LRP1B: variants seen among roughly 807,000 people sequenced by gnomAD.
LRP1B encodes LDL receptor related protein 1B, also known as low-density lipoprotein receptor-related protein 1B.
LRP1B carries 217 observed loss-of-function variants against 556.6 expected under a neutral mutation model. That is an observed-to-expected ratio of 0.39 (90% CI 0.35 to 0.44). LRP1B has a LOEUF of 0.44. Ranked by LOEUF, LRP1B falls within the 20% of genes least tolerant of loss-of-function variation. The probability of loss-of-function intolerance (pLI) is 1.00; values close to 1 mark genes in which losing one functional copy is unlikely to be tolerated. For missense variants in LRP1B, 5,053 were observed against 5,620.8 expected (o/e 0.90, Z 3.23); for synonymous variants, 2,047 against 1,865.8 (o/e 1.10, Z -2.50).
intron 18 of LRP1B, among the ~76,000 whole-genome samples, chr2:140,962,915 A>G (rs1369307004): frequency 6.6e-6 from 1 of 152,116 alleles, no homozygotes; most frequent in East Asian, 1.9e-4. Flanking sequence ...CATGTCTGAG[A>G]CTCTGCATCC....
rs1327305721 is a variant in LRP1B at position 140,603,967 on chromosome 2, T to A, written c.6800-2328A>T. 3.3e-5 allele frequency among the ~76,000 whole-genome samples: 5 copies of A among 152,212 alleles called. No individual in the cohort carries two copies. In the East Asian group the frequency reaches 9.7e-4, roughly 29 times the overall value. On this transcript the variant is annotated intron_variant, in intron 41 of 90. Coordinates refer to ENST00000389484, the MANE Select transcript of LRP1B (RefSeq NM_018557.3). ...CATGTGGCATGTATATGTGTGTGTG[T>A]GCACACACATCTGTGTTTGAACATT... is the stretch of plus-strand genomic sequence containing the variant.
intron 2 of LRP1B, among the ~76,000 whole-genome samples, chr2:141,585,421 TCG>T (rs1687102198): frequency 9.5e-6 from 1 of 105,030 alleles, no homozygotes; most frequent in African/African-American, 3.9e-5. Context: ...CCTGAAATAA[TCG>T]TGTGTGTGTG....
chr2:140,509,972 C>T lies in LRP1B; in HGVS notation c.8354G>A (p.Arg2785Lys), dbSNP rs1689583725. The T allele has an allele frequency of 6.2e-7, 1 of 1,614,022 alleles. No homozygotes were observed. The highest frequency in any genetic ancestry group is 8.5e-7 in the Non-Finnish European group (1 of 1,180,026). Residue 2785 changes from arginine (R) to lysine (K), a missense_variant, in exon 52 of 91, where the codon AGG becomes AAG. Physicochemically the swap from Arg to Lys is conservative, Grantham distance 26. Transcript: ENST00000389484. ...CTCATCGCTTCCATCTGGACAGTCC[C>T]TTTCACCATCACAAAGCCAATGTCG... ...VPRHWLCDGE[R>K]DCPDGSDELS...
At chr2:141,094,102 T>C (rs1453601252) in intron 7 of LRP1B, among the ~76,000 whole-genome samples, 1 of 152,080 alleles carries the variant, frequency 6.6e-6, no homozygotes, top group Non-Finnish European at 1.5e-5. Flanking sequence ...CTTAACAAGA[T>C]CCTCAAAGGA....
intron 2 of LRP1B, among the ~76,000 whole-genome samples, chr2:141,773,785 C>A (rs774715038): frequency 6.6e-6 from 1 of 152,166 alleles, no homozygotes; most frequent in South Asian, 2.1e-4. Flanking sequence ...AAGGTTTTTG[C>A]CAAGTACTTG....
chr2:141,341,284 T>A (rs895419926), intron 3 of LRP1B, among the ~76,000 whole-genome samples: 1 of 152,210 alleles, frequency 6.6e-6, no homozygotes, highest in Non-Finnish European at 1.5e-5. Context: ...CATACCCATG[T>A]ATGGAATTCT....
chr2:142,069,306 G>T (rs1466761616), intron 1 of LRP1B, among the ~76,000 whole-genome samples: 1 of 151,532 alleles, frequency 6.6e-6, no homozygotes, highest in Non-Finnish European at 1.5e-5. Context: ...AAGTCATAGG[G>T]TAGCTCTCCT....
chr2:140,879,455 G>A (rs560150042), intron 25 of LRP1B, among the ~76,000 whole-genome samples: 3 of 152,076 alleles, frequency 2.0e-5, no homozygotes, highest in East Asian at 3.9e-4. Flanking sequence ...AAATTTTGTC[G>A]ATTTAAGTGA....
chr2:141,956,097 G>C (rs1398087356), intron 1 of LRP1B, among the ~76,000 whole-genome samples: 1 of 151,898 alleles, frequency 6.6e-6, no homozygotes, highest in African/African-American at 2.4e-5. Flanking sequence ...TCTGTTTCTA[G>C]CTGGGATACT....
At chr2:140,996,988 G>C (rs1697266778) in intron 15 of LRP1B, among the ~76,000 whole-genome samples, 1 of 151,884 alleles carries the variant, frequency 6.6e-6, no homozygotes, top group Non-Finnish European at 1.5e-5. Flanking sequence ...GATGGAATTG[G>C]ACACTTTACT....
chr2:141,989,175 T>G (rs1441680610), intron 1 of LRP1B, among the ~76,000 whole-genome samples: 1 of 152,044 alleles, frequency 6.6e-6, no homozygotes, highest in Non-Finnish European at 1.5e-5. Context: ...GCTTTTTAAT[T>G]TTATTATCTG....
chr2:141,671,338 A>G (rs530447913), intron 2 of LRP1B, among the ~76,000 whole-genome samples: 169 of 152,298 alleles, frequency 1.1e-3, no homozygotes, highest in African/African-American at 3.7e-3. Context: ...CGAATGTTTA[A>G]TTGAGGAAGT....
intron 1 of LRP1B, among the ~76,000 whole-genome samples, chr2:142,108,588 A>G (rs542155951): frequency 6.6e-6 from 1 of 152,150 alleles, no homozygotes; most frequent in Admixed American, 6.6e-5. Context: ...AATATCCTAT[A>G]TTTGCTTTCA....
At chr2:140,547,313 T>C (rs1477609637) in intron 43 of LRP1B, among the ~76,000 whole-genome samples, 5 of 152,144 alleles carry the variant, frequency 3.3e-5, no homozygotes, top group African/African-American at 1.2e-4. Context: ...GGCTATTTAT[T>C]ACTTTTCCAT....
chr2:141,735,504 T>TG (rs1160916884), intron 2 of LRP1B, among the ~76,000 whole-genome samples: 5 of 396 alleles, frequency 0.013, no homozygotes, highest in Non-Finnish European at 0.041. Context: ...AGCAAACATG[T>TG]TTTTTTTTTG....
chr2:140,734,160 C>T (rs1468401866), intron 35 of LRP1B, among the ~76,000 whole-genome samples: 1 of 152,154 alleles, frequency 6.6e-6, no homozygotes, highest in Non-Finnish European at 1.5e-5. Context: ...ATAGTGAACA[C>T]ACAAATATAA....
At chr2:140,903,204 T>G (rs1162774806) in intron 22 of LRP1B, 39 bp from the exon 23 acceptor site, 1 of 1,599,286 alleles carries the variant, frequency 6.3e-7, no homozygotes, top group Admixed American at 1.7e-5. Flanking sequence ...TCTTATCAAT[T>G]GCTTTCCTCA....
At chr2:141,672,128 A>G (rs1690695314) in intron 2 of LRP1B, among the ~76,000 whole-genome samples, 2 of 152,218 alleles carry the variant, frequency 1.3e-5, no homozygotes, top group Non-Finnish European at 2.9e-5. Flanking sequence ...GGAGGCTTTT[A>G]GAAAATACTA....
At position 140,322,093 on chromosome 2, in the gene LRP1B, T is replaced by C. The variant is rs573117215; in HGVS notation, c.12515-5A>G. The C allele has an allele frequency of 6.2e-7, 1 of 1,609,964 alleles. No homozygotes were observed. The highest frequency in any genetic ancestry group is 1.1e-5 in the South Asian group (1 of 90,466). On this transcript the variant is annotated splice_polypyrimidine_tract_variant and splice_region_variant and intron_variant, in intron 81 of 90. Transcript: ENST00000389484. ...AATCCAAGCATGGATTGGGTACTGG[T>C]GAAACAAAAGAAAACAAAGAAGTGT...
Sources: gnomAD v4.1 joint callset for allele counts (sites outside exome capture counted in the v4.1 genomes callset) on GRCh38, gnomAD v4.1.1 for gene constraint, MANE v1.5 for transcripts, NCBI Gene and HGNC (gene_info 2026-07-23, HGNC 2026-07-21) for gene names.